PPP6R3: variants seen among roughly 807,000 people sequenced by gnomAD.
PPP6R3 encodes protein phosphatase 6 regulatory subunit 3, also known as serine/threonine-protein phosphatase 6 regulatory subunit 3.
In PPP6R3, 38 loss-of-function variants were observed where a neutral mutation model predicts 110.7. That is an observed-to-expected ratio of 0.34 (90% CI 0.26 to 0.45). The LOEUF (loss-of-function observed/expected upper bound fraction) is 0.45. Among genes scored for constraint, PPP6R3 ranks in the 20% least tolerant of loss-of-function variants. The probability of loss-of-function intolerance (pLI) is 1.00; values close to 1 mark genes in which losing one functional copy is unlikely to be tolerated. For missense variants in PPP6R3, 870 were observed against 1,062.4 expected, an observed-to-expected ratio of 0.82 and a Z score of 2.52; for synonymous variants, 369 against 373.5, an observed-to-expected ratio of 0.99 and a Z score of 0.14.
intron 1 of PPP6R3, among the ~76,000 whole-genome samples, chr11:68,474,432 C>T (rs1238135348): frequency 6.6e-6 from 1 of 151,432 alleles, no homozygotes; most frequent in Non-Finnish European, 1.5e-5. Flanking sequence ...GCTTTTTTTT[C>T]AAAAAAGAAA....
chr11:68,570,027 G>C, intron 11 of PPP6R3, 130 bp downstream of exon 11: 2 of 829,810 alleles, frequency 2.4e-6, no homozygotes, highest in Non-Finnish European at 3.6e-6. Context: ...TGACAATCAT[G>C]TGTTCGTTTC....
chr11:68,538,523 C>T (rs1039968754), intron 3 of PPP6R3, among the ~76,000 whole-genome samples: 2 of 152,064 alleles, frequency 1.3e-5, no homozygotes, highest in African/African-American at 4.8e-5. Context: ...TGGCTCTTTT[C>T]CCCCCAGAAA....
chr11:68,595,037 C>T (rs775855597), intron 18 of PPP6R3, among the ~76,000 whole-genome samples: 4 of 152,004 alleles, frequency 2.6e-5, no homozygotes, highest in African/African-American at 7.2e-5. Flanking sequence ...TGAACTGATT[C>T]GTACCTCTTA....
At position 68,613,480 on chromosome 11, in the gene PPP6R3, A is replaced by G; in HGVS notation, c.*363A>G. 1.0e-6 allele frequency: 1 copy of G among 998,586 alleles called. No individual in the cohort carries two copies. The highest frequency in any genetic ancestry group is 1.2e-6 in the Non-Finnish European group (1 of 838,630). The allele number at this position is 998,586 out of a possible 1,614,324, so 61.9% of individuals were successfully genotyped here. ...TACACAGATCTATTGTATTTGAAAC[A>G]TAACTTTGACAATTATTAGTGTGAC... On this transcript the variant is annotated 3_prime_UTR_variant, in exon 24 of 24. Transcript: ENST00000393800.
At chr11:68,596,323 A>G in intron 19 of PPP6R3, 105 bp downstream of exon 19, 2 of 1,497,300 alleles carry the variant, frequency 1.3e-6, no homozygotes, top group East Asian at 2.3e-5. Flanking sequence ...ATCTGAAGGA[A>G]AGGTTGGGTT....
chr11:68,612,785 G>A (rs1434161237), intron 23 of PPP6R3: 6 of 454,038 alleles, frequency 1.3e-5, no homozygotes, highest in African/African-American at 2.0e-5. Flanking sequence ...GTCACTCCCT[G>A]TGCTTCTTGG....
chr11:68,611,660 G>T (rs943174691), intron 23 of PPP6R3, among the ~76,000 whole-genome samples: 3 of 152,146 alleles, frequency 2.0e-5, no homozygotes, highest in Admixed American at 6.5e-5. Context: ...TGGTCTCGGG[G>T]CATACTAGAG....
At chr11:68,547,404 C>T (rs1336411722) in intron 4 of PPP6R3, among the ~76,000 whole-genome samples, 1 of 152,190 alleles carries the variant, frequency 6.6e-6, no homozygotes, top group African/African-American at 2.4e-5. Flanking sequence ...CACAGGGATG[C>T]ATGGGACAGA....
At chr11:68,521,056 G>A (rs1271744874) in intron 2 of PPP6R3, among the ~76,000 whole-genome samples, 1 of 152,156 alleles carries the variant, frequency 6.6e-6, no homozygotes, top group African/African-American at 2.4e-5. Context: ...ACAGGCGTGA[G>A]CCACCGCGTC....
chr11:68,583,094 G>A lies in PPP6R3; in HGVS notation c.1597G>A (p.Glu533Lys), dbSNP rs879368698. 8.4e-6 allele frequency: 13 copies of A among 1,548,044 alleles called. No homozygotes were observed. The highest frequency in any genetic ancestry group is 1.1e-5 in the Non-Finnish European group (13 of 1,144,612). Reference sequence around the variant, plus strand: ...CAGTGATGATGAAATTGACTTTAAAGAAACGGGTTTCTCACAGGATTCTTC... The same window carrying A: ...CAGTGATGATGAAATTGACTTTAAAAAAACGGGTTTCTCACAGGATTCTTC... Reference protein sequence around the residue: ...SSSDDEIDFKETGFSQDSSLQ... With the variant: ...SSSDDEIDFKKTGFSQDSSLQ... Residue 533 changes from glutamate (E) to lysine (K), a missense_variant, in exon 15 of 24, where the codon GAA (glutamate) becomes AAA (lysine). By Grantham distance (56) the Glu-to-Lys change is moderately conservative. Coordinates refer to ENST00000393800, the MANE Select transcript of PPP6R3 (RefSeq NM_001164161.2).
chr11:68,477,742 ATATATATATATAT>A (rs1304403359), intron 1 of PPP6R3, among the ~76,000 whole-genome samples: 5 of 49,610 alleles, frequency 1.0e-4, no homozygotes, highest in Admixed American at 2.0e-4. Flanking sequence ...AAAAAAAAAA[ATATATATATATAT>A]ATATATATAT....
intron 19 of PPP6R3, among the ~76,000 whole-genome samples, chr11:68,597,380 A>G (rs1408123342): frequency 6.6e-6 from 1 of 152,210 alleles, no homozygotes; most frequent in Non-Finnish European, 1.5e-5. Context: ...GCGGGAGCGA[A>G]GGCCAGAGGC....
intron 1 of PPP6R3, among the ~76,000 whole-genome samples, chr11:68,505,957 T>C (rs1019727044): frequency 6.6e-6 from 1 of 152,154 alleles, no homozygotes; most frequent in Non-Finnish European, 1.5e-5. Context: ...CTACAACTAG[T>C]CCTGGCCTGA....
rs762096811 is a variant in PPP6R3, at chr11:68,548,126, A to C, written c.474A>C (p.Gly158=). The change falls in exon 5 of 24, where the codon GGA becomes GGC. Residue 158 remains glycine (G), a synonymous_variant. Transcript: ENST00000393800. ...TAGACCTTATTATAAAGCACATAGG[A>C]ACTTCTGCTATCATGGATTTGTTGC... ...DFVDLIIKHI[G]TSAIMDLLLR... 1.9e-6 allele frequency: 3 copies of C among 1,613,998 alleles called. No individual in the cohort carries two copies. Among genetic ancestry groups the C allele is most frequent in the East Asian group, 2.2e-5 (1 of 44,890 alleles).
intron 3 of PPP6R3, among the ~76,000 whole-genome samples, chr11:68,538,856 A>G (rs558487047): frequency 6.1e-4 from 93 of 152,210 alleles, no homozygotes; most frequent in Non-Finnish European, 1.2e-3. Flanking sequence ...GCGGTGGCTC[A>G]TGCCTGTAAT....
intron 3 of PPP6R3, among the ~76,000 whole-genome samples, chr11:68,543,521 C>T (rs561490748): frequency 1.5e-4 from 23 of 152,006 alleles, no homozygotes; most frequent in African/African-American, 5.1e-4. Flanking sequence ...CTTTCTGGTT[C>T]GTCACCAGTG....
chr11:68,543,397 A>G (rs1409851730), intron 3 of PPP6R3, among the ~76,000 whole-genome samples: 1 of 116,602 alleles, frequency 8.6e-6, no homozygotes, highest in Non-Finnish European at 1.8e-5. Flanking sequence ...TACATCTGCC[A>G]GGTCTGTTTT....
At chr11:68,595,927 C>T (rs77785804) in intron 18 of PPP6R3, among the ~76,000 whole-genome samples, 170 bp from the exon 19 acceptor site, 1,921 of 152,278 alleles carry the variant, frequency 0.013, 25 homozygotes, top group South Asian at 0.023. Flanking sequence ...TTGGGCAGCA[C>T]GCACGCAAAG....
rs752870495 is a variant in PPP6R3, at chr11:68,609,987, C to G, written c.2534C>G (p.Ala845Gly). 8 of 1,613,992 alleles carry G rather than the reference C, an allele frequency of 5.0e-6. No individual in the cohort carries two copies. The South Asian group carries it at 5.5e-5, about 11-fold the overall frequency. ...ECPETAEAKC[A>G]APRPPSSSPE... is the part of the protein sequence containing the mutation. ...CCCGAGACTGCAGAGGCGAAGTGCG[C>G]GGCGCCCAGGCCTCCCAGCAGCAGT... Residue 845 changes from alanine to glycine, a missense_variant, in exon 23 of 24, where the codon GCG becomes GGG. Ala to Gly is a moderately conservative substitution (Grantham distance 60). Transcript: ENST00000393800.
Sources: allele counts gnomAD v4.1 joint callset (sites outside exome capture counted in the v4.1 genomes callset), GRCh38; gene constraint gnomAD v4.1.1; transcripts MANE v1.5; gene names NCBI Gene and HGNC (gene_info 2026-07-23, HGNC 2026-07-21).